The following ADGRG2 variants were observed in gnomAD, a reference collection of about 807,000 sequenced individuals.
ADGRG2 encodes adhesion G protein-coupled receptor G2.
In ADGRG2, 26 loss-of-function variants were observed where a neutral mutation model predicts 74.1. That is an observed-to-expected ratio of 0.35 (90% CI 0.26 to 0.49). The LOEUF (loss-of-function observed/expected upper bound fraction) is 0.49. Among genes scored for constraint, ADGRG2 ranks in the 20% least tolerant of loss-of-function variants. ADGRG2 has a pLI of 0.99. For missense variants in ADGRG2, 619 were observed against 763.1 expected (o/e 0.81, Z 2.22); for synonymous variants, 296 against 295.2 (o/e 1.00, Z -0.03).
rs889100381 is a variant in ADGRG2 at position 19,060,420 on chromosome X, T to C, written c.118+8297A>G. On this transcript the variant is annotated intron_variant, in intron 3 of 28. Transcript: ENST00000379869. The stretch of plus-strand genomic sequence containing the variant: ...CAGGAGAACAGCCTTAAAATGGGAT[T>C]GCAGAGGTGAGTGGTTCTCGGTTCT... 2.1e-4 allele frequency among the ~76,000 whole-genome samples: 24 copies of C among 111,778 alleles called. 2 individuals carry two copies. The highest frequency in any genetic ancestry group is 2.1e-3 in the Admixed American group (22 of 10,530).
At chrX:19,122,492 T>C (rs1197349480), upstream of ADGRG2, 1 of 110,756 alleles carries the variant, frequency 9.0e-6, no homozygotes, top group Admixed American at 9.4e-5. Context: ...GGCCCGCCTT[T>C]TCCCCTCTCC....
intron 1 of ADGRG2, among the ~76,000 whole-genome samples, chrX:19,114,448 G>A (rs1292621116): frequency 1.8e-5 from 2 of 111,572 alleles, no homozygotes; most frequent in Non-Finnish European, 3.8e-5. Flanking sequence ...CCTGGACATC[G>A]GTATTGATTT....
intron 7 of ADGRG2, chrX:19,035,225 T>C (rs779876415): frequency 8.9e-6 from 1 of 112,271 alleles, no homozygotes; most frequent in South Asian, 3.7e-4. Flanking sequence ...AACCAAGCAG[T>C]AGTATCAAGA....
chrX:18,992,108 C>T (rs1048166548), intron 28 of ADGRG2, among the ~76,000 whole-genome samples: 2 of 111,633 alleles, frequency 1.8e-5, no homozygotes, highest in Non-Finnish European at 3.8e-5. Flanking sequence ...CAGCTCAGAA[C>T]TGAACTGTGT....
intron 1 of ADGRG2, among the ~76,000 whole-genome samples, chrX:19,098,497 A>G (rs1191197258): frequency 8.9e-6 from 1 of 112,190 alleles, no homozygotes; most frequent in African/African-American, 3.2e-5. Flanking sequence ...TGATAAAGAT[A>G]CATTTTTTTA....
chrX:19,088,238 G>C lies in ADGRG2; in HGVS notation c.-46-5492C>G, dbSNP rs760801768. On this transcript the variant is annotated intron_variant, in intron 1 of 28. Transcript: ENST00000379869. ...CACTTATATACTTGATTTTTTAAAT[G>C]CAAGTCTGACATTAAGCTATATTCA... 3.4e-4 allele frequency among the ~76,000 whole-genome samples: 38 copies of C among 112,356 alleles called. No homozygotes were observed. In the South Asian group the frequency reaches 0.012, roughly 37 times the overall value.
intron 1 of ADGRG2, among the ~76,000 whole-genome samples, chrX:19,120,764 C>T (rs751082124): frequency 1.8e-5 from 2 of 112,311 alleles, no homozygotes; most frequent in Non-Finnish European, 3.8e-5. Context: ...TCCATGAAGC[C>T]AGCCCTGCTA....
intron 13 of ADGRG2, among the ~76,000 whole-genome samples, chrX:19,022,538 T>C (rs756631250): frequency 4.5e-5 from 5 of 111,517 alleles, no homozygotes; most frequent in South Asian, 3.8e-4. Flanking sequence ...GGGGTTCAGA[T>C]ACTGAGTGTA....
chrX:19,071,696 A>G (rs145379608), intron 2 of ADGRG2, among the ~76,000 whole-genome samples: 43 of 111,639 alleles, frequency 3.9e-4, no homozygotes, highest in African/African-American at 1.4e-3. Context: ...TGTGCCAATT[A>G]CATGGGTGTG....
intron 1 of ADGRG2, among the ~76,000 whole-genome samples, chrX:19,113,844 G>A (rs2062459039): frequency 9.0e-6 from 1 of 111,208 alleles, no homozygotes; most frequent in African/African-American, 3.3e-5. Context: ...TGAGGCAGGC[G>A]GATCACCGGA....
intron 1 of ADGRG2, among the ~76,000 whole-genome samples, chrX:19,102,864 C>T (rs955068264): frequency 7.2e-5 from 8 of 111,340 alleles, no homozygotes; most frequent in African/African-American, 9.8e-5. Flanking sequence ...TTGGACTTCT[C>T]GGCCTCCAGA....
At chrX:19,043,902 C>T (rs1453954787) in intron 3 of ADGRG2, among the ~76,000 whole-genome samples, 1 of 111,059 alleles carries the variant, frequency 9.0e-6, no homozygotes, top group East Asian at 2.8e-4. Flanking sequence ...CCTCATCACC[C>T]CACATCATTT....
chrX:19,018,630 C>A (rs909260044), intron 15 of ADGRG2, among the ~76,000 whole-genome samples: 1 of 111,410 alleles, frequency 9.0e-6, no homozygotes, highest in Non-Finnish European at 1.9e-5. Flanking sequence ...CAGAATTAGA[C>A]CCAAATGTCT....
rs758337420 is a variant in ADGRG2 at position 19,013,769 on chromosome X, G to A, written c.1016C>T (p.Pro339Leu). The change falls in exon 16 of 29, where the codon CCT (proline) becomes CTT (leucine). Residue 339 changes from proline (P) to leucine (L), a missense_variant. Pro to Leu is a moderately conservative substitution (Grantham distance 98). This residue lies in a region of ADGRG2 where 292 missense variants were observed against 318.0 expected (regional missense o/e 0.92). Transcript: ENST00000379869. Reference protein sequence around the residue: ...MPQTHVSGTPPPVKASFSSPT... With the variant: ...MPQTHVSGTPLPVKASFSSPT... ...AGAGGAAAATGAGGCTTTCACAGGA[G>A]GTGGGGTGCCGGAGACATGGGTTTG... The A allele has an allele frequency of 5.0e-6, 6 of 1,197,368 alleles. No homozygotes were observed. The highest frequency in any genetic ancestry group is 6.7e-6 in the Non-Finnish European group (6 of 889,485).
rs763425813 is a variant in ADGRG2, at chrX:18,999,305, A to G, written c.2331-26T>C. ...CTGGAGTTTGTGGAGGGGGGGAAAC[A>G]GGGGAAAACATATTATAGTAATGAA... On this transcript the variant is annotated intron_variant, in intron 25 of 28. Coordinates refer to ENST00000379869, the MANE Select transcript of ADGRG2 (RefSeq NM_001079858.3). The G allele has an allele frequency of 3.1e-5, 35 of 1,124,234 alleles. No homozygotes were observed. The Admixed American group carries it at 7.8e-4, about 25-fold the overall frequency. 92.6% of individuals were successfully genotyped at this position (1,124,234 alleles called of 1,213,427 possible). A position where few individuals can be genotyped will look rare whatever the true frequency, so the allele number is the denominator to read the frequency against.
intron 2 of ADGRG2, among the ~76,000 whole-genome samples, chrX:19,069,435 G>A (rs1362524529): frequency 2.7e-5 from 3 of 110,800 alleles, no homozygotes; most frequent in Non-Finnish European, 5.7e-5. Context: ...TGGACAGGAG[G>A]CAGGGAAATA....
chrX:19,020,295 T>C (rs58276018), intron 14 of ADGRG2, among the ~76,000 whole-genome samples: 30,090 of 111,219 alleles, frequency 0.27, 4,231 homozygotes, highest in African/African-American at 0.54. Flanking sequence ...AGCCATTCTG[T>C]GATGTATATC....
Position 18,995,067 on chromosome X carries a change from T to C in ADGRG2, c.2717-19A>G. On this transcript the variant is annotated intron_variant, in intron 27 of 28. Transcript: ENST00000379869. ...CTCCAGTCTACAGCAGAATAAGCAT[T>C]ACAGAAAAACAGGGCAGTATGTTGA... The C allele has an allele frequency of 8.6e-7, 1 of 1,163,802 alleles. No individual in the cohort carries two copies.
intron 3 of ADGRG2, among the ~76,000 whole-genome samples, chrX:19,066,286 T>C (rs2061566733): frequency 9.0e-6 from 1 of 111,266 alleles, no homozygotes; most frequent in South Asian, 3.7e-4. Flanking sequence ...TTTTATTTGT[T>C]TGTATGTTTT....
Sources: gnomAD v4.1 joint callset for allele counts (sites outside exome capture counted in the v4.1 genomes callset) on GRCh38, gnomAD v4.1.1 for gene constraint, gnomAD v4.1.1 regional missense constraint, MANE v1.5 for transcripts, NCBI Gene and HGNC (gene_info 2026-07-23, HGNC 2026-07-21) for gene names.